The following ITPR2 variants were observed in gnomAD, a reference collection of about 807,000 sequenced individuals.
ITPR2 encodes inositol 1,4,5-trisphosphate receptor type 2, also known as inositol 1,4,5-trisphosphate-gated calcium channel ITPR2.
ITPR2 carries 207 observed loss-of-function variants against 317.1 expected under a neutral mutation model. The ratio of observed to expected loss-of-function variants is 0.65; its 90% CI spans 0.58 to 0.73. The LOEUF (loss-of-function observed/expected upper bound fraction) is 0.73. Among genes scored for constraint, ITPR2 ranks in the 30% least tolerant of loss-of-function variants. ITPR2 has a pLI of 0.00. For missense variants in ITPR2, 2,613 were observed against 3,284.0 expected, an observed-to-expected ratio of 0.80 and a Z score of 4.99; for synonymous variants, 1,156 against 1,149.1, an observed-to-expected ratio of 1.01 and a Z score of -0.12.
At chr12:26,567,990 ATATATATTATATATATT>A (rs1565609694) in intron 34 of ITPR2, among the ~76,000 whole-genome samples, 4 of 7,310 alleles carry the variant, frequency 5.5e-4, no homozygotes, top group African/African-American at 1.0e-3. Context: ...ATATATATAT[ATATATATTATATATATT>A]ATATATATAT....
intron 37 of ITPR2, among the ~76,000 whole-genome samples, chr12:26,547,730 A>G (rs889763781): frequency 6.6e-6 from 1 of 152,266 alleles, no homozygotes; most frequent in African/African-American, 2.4e-5. Context: ...CCATAAAAAA[A>G]TGAAATCAGG....
chr12:26,412,443 T>TG (rs1940579819), intron 51 of ITPR2, among the ~76,000 whole-genome samples: 1 of 152,132 alleles, frequency 6.6e-6, no homozygotes, highest in Admixed American at 6.5e-5. Context: ...TGTGCGGGTG[T>TG]GGGGGGTCAG....
At chr12:26,428,395 T>C (rs759428673) in intron 48 of ITPR2, among the ~76,000 whole-genome samples, 6 of 152,208 alleles carry the variant, frequency 3.9e-5, no homozygotes, top group African/African-American at 4.8e-5. Context: ...ATACTTTTGA[T>C]AGACATCTCT....
chr12:26,440,487 C>A (rs116540257), intron 46 of ITPR2, among the ~76,000 whole-genome samples: 1 of 152,084 alleles, frequency 6.6e-6, no homozygotes, highest in African/African-American at 2.4e-5. Flanking sequence ...GTACTCCAGA[C>A]TTCCCATAAG....
At chr12:26,412,956 A>C (rs1019730428) in intron 51 of ITPR2, among the ~76,000 whole-genome samples, 1 of 152,168 alleles carries the variant, frequency 6.6e-6, no homozygotes, top group African/African-American at 2.4e-5. Context: ...CAGGCAGAAG[A>C]GAGGCTATAG....
intron 8 of ITPR2, among the ~76,000 whole-genome samples, chr12:26,711,969 A>C (rs767105670): frequency 2.0e-5 from 3 of 152,148 alleles, no homozygotes; most frequent in Admixed American, 6.5e-5. Flanking sequence ...CCTGTCTCTG[A>C]ATTGACCTTG....
intron 2 of ITPR2, among the ~76,000 whole-genome samples, chr12:26,765,109 T>C (rs986717137): frequency 4.6e-5 from 7 of 152,144 alleles, no homozygotes; most frequent in Admixed American, 6.5e-5. Flanking sequence ...TTTGTATAAG[T>C]AGAACTTGAA....
Position 26,384,426 on chromosome 12 carries a change from T to A in ITPR2, c.7857+3008A>T, listed in dbSNP as rs1386847333. 2.3e-4 allele frequency among the ~76,000 whole-genome samples: 35 copies of A among 152,326 alleles called. No individual in the cohort carries two copies. The East Asian group carries it at 6.4e-3, about 28-fold the overall frequency. On this transcript the variant is annotated intron_variant, in intron 55 of 56. Coordinates refer to ENST00000381340, the MANE Select transcript of ITPR2 (RefSeq NM_002223.4). ...CATTAAAATTCAGGAATGGAGCTTGTTCTCTTGGATGTGCACTGCTTGGAT... is the reference window on the plus strand; with the variant it reads ...CATTAAAATTCAGGAATGGAGCTTGATCTCTTGGATGTGCACTGCTTGGAT...
chr12:26,454,045 C>T (rs886834328), intron 45 of ITPR2, among the ~76,000 whole-genome samples: 5 of 151,346 alleles, frequency 3.3e-5, no homozygotes, highest in Admixed American at 6.6e-5. Context: ...GATGGATGGA[C>T]GGATGGATGG....
At chr12:26,365,275 A>G (rs1174483783) in intron 55 of ITPR2, among the ~76,000 whole-genome samples, 6 of 152,186 alleles carry the variant, frequency 3.9e-5, no homozygotes, top group African/African-American at 1.4e-4. Flanking sequence ...GATTCCTGAA[A>G]CCTGGGTACC....
chr12:26,533,642 C>T (rs1452489496), intron 37 of ITPR2, among the ~76,000 whole-genome samples: 4 of 152,008 alleles, frequency 2.6e-5, no homozygotes, highest in African/African-American at 9.7e-5. Context: ...TTACTAGTGG[C>T]CCTATAAGAA....
chr12:26,541,725 C>G (rs985863150), intron 37 of ITPR2, among the ~76,000 whole-genome samples: 4 of 152,158 alleles, frequency 2.6e-5, no homozygotes, highest in African/African-American at 4.8e-5. Flanking sequence ...CTGGGACTGA[C>G]ACATGCATAT....
chr12:26,433,442 T>C (rs1358404486), intron 48 of ITPR2, among the ~76,000 whole-genome samples: 1 of 152,184 alleles, frequency 6.6e-6, no homozygotes, highest in Non-Finnish European at 1.5e-5. Flanking sequence ...GCCATGGGAA[T>C]GTCTTATACC....
At chr12:26,581,842 C>T (rs1358451717) in intron 32 of ITPR2, among the ~76,000 whole-genome samples, 1 of 152,010 alleles carries the variant, frequency 6.6e-6, no homozygotes, top group Non-Finnish European at 1.5e-5. Context: ...GGTAGCAGAC[C>T]AATTCCATCA....
chr12:26,451,300 C>T (rs1413120457), intron 45 of ITPR2, among the ~76,000 whole-genome samples: 3 of 151,420 alleles, frequency 2.0e-5, no homozygotes, highest in African/African-American at 7.3e-5. Context: ...GATTCATGGA[C>T]AACCAGACCA....
At chr12:26,501,966 T>C (rs566447171) in intron 37 of ITPR2, among the ~76,000 whole-genome samples, 6 of 152,208 alleles carry the variant, frequency 3.9e-5, no homozygotes, top group Non-Finnish European at 8.8e-5. Flanking sequence ...TTTAAATATT[T>C]GATGCTGCTG....
chr12:26,353,231 A>C (rs1042047802), intron 55 of ITPR2, among the ~76,000 whole-genome samples: 1 of 152,174 alleles, frequency 6.6e-6, no homozygotes, highest in Non-Finnish European at 1.5e-5. Context: ...TGTCTTTCTG[A>C]GTCTTTCAGT....
intron 15 of ITPR2, among the ~76,000 whole-genome samples, chr12:26,660,926 A>G (rs1947481365): frequency 6.6e-6 from 1 of 151,762 alleles, no homozygotes; most frequent in South Asian, 2.1e-4. Flanking sequence ...AAAGAAAAAC[A>G]AAGTAATTAT....
chr12:26,743,672 C>G (rs1034188484), intron 2 of ITPR2, among the ~76,000 whole-genome samples: 1 of 152,200 alleles, frequency 6.6e-6, no homozygotes, highest in African/African-American at 2.4e-5. Flanking sequence ...GCGGGGGGAT[C>G]ACCTGAGGTC....
Sources: gnomAD v4.1 joint callset for allele counts (sites outside exome capture counted in the v4.1 genomes callset) on GRCh38, gnomAD v4.1.1 for gene constraint, MANE v1.5 for transcripts, NCBI Gene and HGNC (gene_info 2026-07-23, HGNC 2026-07-21) for gene names.